ZFHX3: variants seen among roughly 807,000 people sequenced by gnomAD.
The protein encoded by ZFHX3 is zinc finger homeobox protein 3.
ZFHX3 carries 42 observed loss-of-function variants against 279.1 expected under a neutral mutation model. The ratio of observed to expected loss-of-function variants is 0.15; its 90% CI spans 0.12 to 0.19. The LOEUF is 0.19. Ranked by LOEUF, ZFHX3 falls within the 10% of genes least tolerant of loss-of-function variation. The probability of loss-of-function intolerance (pLI) is 1.00; values close to 1 mark genes in which losing one functional copy is unlikely to be tolerated. For missense variants in ZFHX3, 4,981 were observed against 4,754.0 expected (o/e 1.05, Z -1.40); for synonymous variants, 2,293 against 1,957.8 (o/e 1.17, Z -4.52).
intron 2 of ZFHX3, among the ~76,000 whole-genome samples, chr16:73,527,080 A>G (rs1365731419): frequency 6.6e-6 from 1 of 152,124 alleles, no homozygotes; most frequent in Non-Finnish European, 1.5e-5. Flanking sequence ...CACATTCACC[A>G]TTTTGATCAC....
intron 1 of ZFHX3, among the ~76,000 whole-genome samples, chr16:73,781,538 T>G (rs1597112774): frequency 6.6e-6 from 1 of 152,194 alleles, no homozygotes; most frequent in South Asian, 2.1e-4. Context: ...AGTGGCAGAA[T>G]TGAGTCATTA....
chr16:73,133,547 C>T (rs764224661), intron 6 of ZFHX3, among the ~76,000 whole-genome samples: 2 of 152,112 alleles, frequency 1.3e-5, no homozygotes. Context: ...GAGATTCGGA[C>T]ACAGACACAT....
At position 73,659,068 on chromosome 16, in the gene ZFHX3, A is replaced by C. The variant is rs183511486; in HGVS notation, c.-1547+21112T>G. ...AGAGAGATGGCAAAAAAGGAAAAAC[A>C]ATAGAAAGGAGATGTGGTTGGATTC... On this transcript the variant is annotated intron_variant, in intron 2 of 17. Coordinates refer to the ZFHX3 transcript ENST00000641206. 2.8e-4 allele frequency among the ~76,000 whole-genome samples: 43 copies of C among 152,280 alleles called. 1 individual carries two copies. The East Asian group carries it at 5.4e-3, about 19-fold the overall frequency.
At chr16:73,174,220 C>T (rs879723742) in intron 5 of ZFHX3, among the ~76,000 whole-genome samples, 27 of 152,110 alleles carry the variant, frequency 1.8e-4, no homozygotes, top group Admixed American at 7.2e-4. Context: ...CTGATGCCTT[C>T]TAAGGCCTCA....
At chr16:72,893,934 G>T (rs1239185641) in intron 3 of ZFHX3, among the ~76,000 whole-genome samples, 4 of 152,132 alleles carry the variant, frequency 2.6e-5, no homozygotes, top group African/African-American at 7.2e-5. Flanking sequence ...CACATCACCT[G>T]AGGTCAGGAG....
In ZFHX3 at chr16:72,785,763, GAAAA is replaced by G. The variant is rs565292348; in HGVS notation, c.*1397_*1400del. 9.6e-5 allele frequency: 14 copies of G among 145,592 alleles called. No homozygotes were observed. Among genetic ancestry groups the G allele is most frequent in the Admixed American group, 9.5e-4 (14 of 14,738 alleles). The allele number at this position is 145,592 out of a possible 1,614,324, so 9.0% of individuals were successfully genotyped here. A position where few individuals can be genotyped will look rare whatever the true frequency, so the allele number is the denominator to read the frequency against. On this transcript the variant is annotated 3_prime_UTR_variant, in exon 10 of 10. Transcript: ENST00000268489. ...AAATGGAAACAAATCCTTTAGTATA[GAAAA>G]AAAAAGAATATTTGAAGCTCCTACC...
At chr16:73,722,720 G>C (rs1191519300) in intron 1 of ZFHX3, among the ~76,000 whole-genome samples, 2 of 152,120 alleles carry the variant, frequency 1.3e-5, no homozygotes, top group Admixed American at 6.6e-5. Flanking sequence ...AATGATATGG[G>C]TAAGAAGGGC....
At chr16:73,670,525 C>T (rs1388684444) in intron 2 of ZFHX3, among the ~76,000 whole-genome samples, 2 of 152,068 alleles carry the variant, frequency 1.3e-5, no homozygotes, top group Non-Finnish European at 2.9e-5. Context: ...TTGTCTTTAG[C>T]GTTTTCCCAA....
intron 2 of ZFHX3, among the ~76,000 whole-genome samples, chr16:73,491,455 G>T (rs982792760): frequency 1.3e-5 from 2 of 152,192 alleles, no homozygotes; most frequent in Non-Finnish European, 2.9e-5. Flanking sequence ...TAAACATAAT[G>T]AAGCTATTTT....
At chr16:73,022,376 C>A (rs1964331540) in intron 1 of ZFHX3, among the ~76,000 whole-genome samples, 1 of 152,118 alleles carries the variant, frequency 6.6e-6, no homozygotes, top group African/African-American at 2.4e-5. Flanking sequence ...GGGAGAGGAG[C>A]CACTGCAGGC....
chr16:73,462,103 G>A (rs368333342), intron 2 of ZFHX3, among the ~76,000 whole-genome samples: 19 of 152,102 alleles, frequency 1.2e-4, no homozygotes, highest in African/African-American at 3.1e-4. Flanking sequence ...TTACACCTGC[G>A]TATTTTTTTT....
chr16:73,802,183 AT>A (rs1960165666), intron 1 of ZFHX3, among the ~76,000 whole-genome samples: 1 of 152,024 alleles, frequency 6.6e-6, no homozygotes, highest in Non-Finnish European at 1.5e-5. Context: ...AAATAAGTTG[AT>A]TCTTCATAAA....
intron 2 of ZFHX3, among the ~76,000 whole-genome samples, chr16:73,675,707 A>C (rs2052947563): frequency 2.6e-5 from 4 of 152,164 alleles, no homozygotes; most frequent in Admixed American, 2.6e-4. Context: ...AGATAAAAAG[A>C]ATGACCATTA....
intron 4 of ZFHX3, among the ~76,000 whole-genome samples, chr16:72,872,604 C>T (rs572016376): frequency 1.1e-4 from 17 of 152,200 alleles, no homozygotes; most frequent in South Asian, 1.0e-3. Context: ...ACTACAGGCA[C>T]GCGCCACCAT....
chr16:72,963,835 GC>G (rs1247978652), intron 1 of ZFHX3, among the ~76,000 whole-genome samples: 1 of 152,158 alleles, frequency 6.6e-6, no homozygotes, highest in Non-Finnish European at 1.5e-5. Flanking sequence ...TGTTGCTCCA[GC>G]TCCCGGAGAA....
intron 3 of ZFHX3, among the ~76,000 whole-genome samples, chr16:72,911,526 AAAC>A (rs2039316272): frequency 6.6e-6 from 1 of 152,206 alleles, no homozygotes; most frequent in Non-Finnish European, 1.5e-5. Context: ...TCGGTCAGAG[AAAC>A]AACGTGTCGG....
At chr16:73,266,862 C>G (rs1253849731) in intron 4 of ZFHX3, among the ~76,000 whole-genome samples, 1 of 152,230 alleles carries the variant, frequency 6.6e-6, no homozygotes, top group Non-Finnish European at 1.5e-5. Context: ...CCTCCCTAGC[C>G]ATGTGGAACT....
intron 2 of ZFHX3, among the ~76,000 whole-genome samples, chr16:73,622,662 A>G (rs1038957646): frequency 1.3e-5 from 2 of 152,152 alleles, no homozygotes; most frequent in African/African-American, 4.8e-5. Flanking sequence ...AGGGCTTTGG[A>G]CACTTAGGTC....
At chr16:73,577,492 T>C (rs1385501928) in intron 2 of ZFHX3, among the ~76,000 whole-genome samples, 1 of 152,192 alleles carries the variant, frequency 6.6e-6, no homozygotes, top group Non-Finnish European at 1.5e-5. Flanking sequence ...ATAAATTGTA[T>C]AGCTATAGAA....
Sources: allele counts gnomAD v4.1 joint callset (sites outside exome capture counted in the v4.1 genomes callset), GRCh38; gene constraint gnomAD v4.1.1; transcripts MANE v1.5; gene names NCBI Gene and HGNC (gene_info 2026-07-23, HGNC 2026-07-21).